ADCK1: variants seen among roughly 807,000 people sequenced by gnomAD.
The protein encoded by ADCK1 is aarF domain containing kinase 1.
In ADCK1, 41 loss-of-function variants were observed where a neutral mutation model predicts 52.3. That is an observed-to-expected ratio of 0.78 (90% CI 0.61 to 1.02). ADCK1 has a LOEUF of 1.02. ADCK1 is among the 50% of genes least tolerant of loss of function. The pLI is 0.00. For synonymous variants in ADCK1, 250 were observed against 274.6 expected (o/e 0.91, Z 0.89); for missense variants, 658 against 679.5 (o/e 0.97, Z 0.35).
intron 3 of ADCK1, among the ~76,000 whole-genome samples, chr14:77,824,708 A>G (rs1355721980): frequency 6.6e-6 from 1 of 152,154 alleles, no homozygotes. Context: ...TGCTGAGATT[A>G]CAGGCGTGAG....
chr14:77,921,377 A>AACAAACTG (rs2084057177), intron 7 of ADCK1, among the ~76,000 whole-genome samples: 1 of 151,230 alleles, frequency 6.6e-6, no homozygotes, highest in Admixed American at 6.6e-5. Context: ...CTGCATGAAA[A>AACAAACTG]ACAAACTGTG....
At chr14:77,828,586 G>A (rs529186959) in intron 3 of ADCK1, among the ~76,000 whole-genome samples, 1 of 152,276 alleles carries the variant, frequency 6.6e-6, no homozygotes, top group Non-Finnish European at 1.5e-5. Context: ...CCAGGATGGA[G>A]TGCAGTGGCG....
intron 3 of ADCK1, among the ~76,000 whole-genome samples, chr14:77,852,198 C>T (rs1378427831): frequency 6.6e-6 from 1 of 151,902 alleles, no homozygotes; most frequent in Non-Finnish European, 1.5e-5. Context: ...GGGGTGTCAC[C>T]TTATTGTCTA....
intron 5 of ADCK1, among the ~76,000 whole-genome samples, chr14:77,889,581 C>A (rs1041389888): frequency 2.0e-5 from 3 of 152,220 alleles, no homozygotes; most frequent in Non-Finnish European, 4.4e-5. Flanking sequence ...CTTGCCCCCC[C>A]AGTATGCCAG....
intron 4 of ADCK1, among the ~76,000 whole-genome samples, chr14:77,883,640 G>T (rs777758029): frequency 2.5e-4 from 38 of 152,150 alleles, no homozygotes; most frequent in Non-Finnish European, 5.0e-4. Flanking sequence ...GCACAGGAGG[G>T]TGTGGGCGTG....
intron 1 of ADCK1, among the ~76,000 whole-genome samples, chr14:77,801,319 T>A (rs1461733450): frequency 1.3e-5 from 2 of 152,240 alleles, no homozygotes; most frequent in Non-Finnish European, 2.9e-5. Flanking sequence ...AAAAAAATCC[T>A]GTGAACTTAA....
intron 3 of ADCK1, among the ~76,000 whole-genome samples, chr14:77,848,670 T>G (rs1313362923): frequency 6.6e-6 from 1 of 152,084 alleles, no homozygotes; most frequent in African/African-American, 2.4e-5. Context: ...TTTGCCATGT[T>G]GGCCAGGATG....
At chr14:77,853,917 C>T (rs2082364986) in intron 3 of ADCK1, among the ~76,000 whole-genome samples, 1 of 152,214 alleles carries the variant, frequency 6.6e-6, no homozygotes, top group Non-Finnish European at 1.5e-5. Context: ...GGCTTCCCCT[C>T]CCTGCCACTT....
chr14:77,888,424 T>C (rs1036822430), intron 5 of ADCK1, among the ~76,000 whole-genome samples: 1 of 152,158 alleles, frequency 6.6e-6, no homozygotes, highest in African/African-American at 2.4e-5. Context: ...TCTGATTTTT[T>C]TCCTGTAGTC....
At chr14:77,845,194 G>A (rs971365370) in intron 3 of ADCK1, among the ~76,000 whole-genome samples, 1 of 152,138 alleles carries the variant, frequency 6.6e-6, no homozygotes, top group South Asian at 2.1e-4. Flanking sequence ...TTTCATTATG[G>A]TCTTGGAGTT....
intron 4 of ADCK1, among the ~76,000 whole-genome samples, chr14:77,864,248 A>G (rs1326075604): frequency 1.3e-5 from 2 of 152,158 alleles, no homozygotes. Context: ...GTTGTTTTGT[A>G]AGAGCCTGTG....
At position 77,876,697 on chromosome 14, in the gene ADCK1, G is replaced by T. The variant is rs968249793; in HGVS notation, c.424-10394G>T. On this transcript the variant is annotated intron_variant, in intron 4 of 10. Coordinates refer to ENST00000238561, the MANE Select transcript of ADCK1 (RefSeq NM_020421.4). ...CTACCAAGGCAGAGAGAGATGGGTC[G>T]CTGATCCCTGTGCTAGTGTTCTTAA... Among the ~76,000 whole-genome samples the T allele has an allele frequency of 3.3e-5, 5 of 152,266 alleles. No individual in the cohort carries two copies. In the East Asian group the frequency reaches 7.7e-4, roughly 23 times the overall value.
chr14:77,818,495 T>C lies in ADCK1; in HGVS notation c.-11-473T>C, dbSNP rs377414632. Among the ~76,000 whole-genome samples the C allele has an allele frequency of 1.2e-4, 19 of 152,290 alleles. No homozygotes were observed. In the East Asian group the frequency reaches 3.1e-3, roughly 25 times the overall value. ...CGGGGTTTCGTCTTGTTGCCCAGGC[T>C]GGTCTGGAACTCCTGGACTCGAGTG... On this transcript the variant is annotated intron_variant, in intron 1 of 10. Transcript: ENST00000238561.
intron 1 of ADCK1, among the ~76,000 whole-genome samples, chr14:77,817,691 A>G (rs892029732): frequency 2.0e-5 from 3 of 152,028 alleles, no homozygotes; most frequent in Admixed American, 2.0e-4. Flanking sequence ...AGTGACAGTC[A>G]TAGTGTCTGC....
chr14:77,832,886 AC>A (rs1227523335), intron 3 of ADCK1, among the ~76,000 whole-genome samples: 1 of 152,210 alleles, frequency 6.6e-6, no homozygotes, highest in Non-Finnish European at 1.5e-5. Flanking sequence ...ATTCCCTGAA[AC>A]CTGGGATCTG....
At chr14:77,854,642 C>T (rs528030737) in intron 3 of ADCK1, among the ~76,000 whole-genome samples, 47 of 151,310 alleles carry the variant, frequency 3.1e-4, no homozygotes, top group Admixed American at 6.6e-4. Context: ...CTACAACCTC[C>T]GCCTCCTGGA....
At chr14:77,818,870 C>T in intron 1 of ADCK1, 98 bp from the exon 2 acceptor site, 2 of 1,364,664 alleles carry the variant, frequency 1.5e-6, no homozygotes, top group Non-Finnish European at 2.0e-6. Flanking sequence ...GATCCAAGGT[C>T]ATATAATCTA....
At chr14:77,877,097 C>T (rs529728879) in intron 4 of ADCK1, among the ~76,000 whole-genome samples, 1 of 152,292 alleles carries the variant, frequency 6.6e-6, no homozygotes, top group Non-Finnish European at 1.5e-5. Flanking sequence ...CACCTGTAGT[C>T]CCAGCTACTT....
intron 1 of ADCK1, among the ~76,000 whole-genome samples, chr14:77,811,041 T>A (rs1053645648): frequency 1.3e-5 from 2 of 151,084 alleles, no homozygotes; most frequent in African/African-American, 2.4e-5. Context: ...AGAGGGTGAG[T>A]CTGTTGCCCC....
Sources: allele counts gnomAD v4.1 joint callset (sites outside exome capture counted in the v4.1 genomes callset), GRCh38; gene constraint gnomAD v4.1.1; transcripts MANE v1.5; gene names NCBI Gene and HGNC (gene_info 2026-07-23, HGNC 2026-07-21).